DDAH1: variants seen among roughly 807,000 people sequenced by gnomAD.
DDAH1 encodes dimethylarginine dimethylaminohydrolase 1.
A neutral mutation model predicts 28.8 loss-of-function variants in DDAH1; 19 were observed. The ratio of observed to expected loss-of-function variants is 0.66; its 90% CI spans 0.46 to 0.97. DDAH1 has a LOEUF of 0.97. Ranked by LOEUF, DDAH1 falls within the 50% of genes least tolerant of loss-of-function variation. The pLI is 0.00. For synonymous variants in DDAH1, 153 were observed against 154.4 expected, an observed-to-expected ratio of 0.99 and a Z score of 0.07; for missense variants, 326 against 375.9, an observed-to-expected ratio of 0.87 and a Z score of 1.10.
intron 4 of DDAH1, among the ~76,000 whole-genome samples, chr1:85,343,022 A>C (rs906434054): frequency 1.3e-5 from 2 of 152,342 alleles, no homozygotes; most frequent in Non-Finnish European, 2.9e-5. Flanking sequence ...TTGGGTTGAA[A>C]GGCCCCTTAT....
rs188774491 is a variant in DDAH1 at position 85,336,122 on chromosome 1, G to A, written c.598-11239C>T. 6.2e-3 allele frequency among the ~76,000 whole-genome samples: 940 copies of A among 152,244 alleles called. 13 individuals are homozygous for A. The highest frequency in any genetic ancestry group is 0.021 in the African/African-American group (860 of 41,546). ...AAAGACAGAAAGTGAACAAAGACAC[G>A]TTAGATTTAAACTGCACTTTAGACC... On this transcript the variant is annotated intron_variant, in intron 4 of 5. Transcript: ENST00000284031.
intron 1 of DDAH1, among the ~76,000 whole-genome samples, chr1:85,363,906 C>T (rs1274860759): frequency 5.4e-5 from 7 of 130,614 alleles, no homozygotes; most frequent in Non-Finnish European, 6.4e-5. Flanking sequence ...TGGATGTCAA[C>T]TTTTTTTTTT....
intron 4 of DDAH1, among the ~76,000 whole-genome samples, chr1:85,344,442 C>T (rs1196418979): frequency 6.6e-6 from 1 of 152,178 alleles, no homozygotes; most frequent in Non-Finnish European, 1.5e-5. Flanking sequence ...TGGCACAGTC[C>T]TGTAGCCGGT....
intron 2 of DDAH1, among the ~76,000 whole-genome samples, chr1:85,353,514 A>G (rs542032047): frequency 6.6e-4 from 101 of 152,302 alleles, no homozygotes; most frequent in African/African-American, 2.2e-3. Context: ...TTTGTGGCAC[A>G]CTGACAGTTT....
chr1:85,359,054 T>C (rs1182271560), intron 1 of DDAH1, among the ~76,000 whole-genome samples: 2 of 152,210 alleles, frequency 1.3e-5, no homozygotes, highest in Non-Finnish European at 2.9e-5. Context: ...AAATTGTTTA[T>C]TTTGTTCCCT....
At chr1:85,570,855 A>G (rs1659434309) in intron 1 of DDAH1, among the ~76,000 whole-genome samples, 1 of 152,134 alleles carries the variant, frequency 6.6e-6, no homozygotes, top group Admixed American at 6.5e-5. Flanking sequence ...GGCTGGCTCT[A>G]TAAAGGCGAA....
Position 85,324,760 on chromosome 1 carries a change from C to G in DDAH1, c.721G>C (p.Glu241Gln), listed in dbSNP as rs761437289. The change falls in exon 5 of 6, where the codon GAG (glutamate) becomes CAG (glutamine). Residue 241 changes from glutamate to glutamine, a missense_variant. Coordinates refer to ENST00000284031, the MANE Select transcript of DDAH1 (RefSeq NM_012137.4). The stretch of plus-strand genomic sequence containing the variant: ...TTTACCTTTGCACTTTCTGGATACT[C>G]TTCCGGGGTTCGGTGCAGCAAGACG... ...GHVLLHRTPE[E>Q]YPESAKVYEK... 5 of 1,614,124 alleles carry G rather than the reference C, an allele frequency of 3.1e-6. No homozygotes were observed. In the South Asian group the frequency reaches 3.3e-5, roughly 11 times the overall value.
At chr1:85,366,738 A>G (rs1355772655) in intron 1 of DDAH1, among the ~76,000 whole-genome samples, 3 of 152,218 alleles carry the variant, frequency 2.0e-5, no homozygotes, top group Non-Finnish European at 2.9e-5. Flanking sequence ...GGCAAACCTA[A>G]AAGTGGATTA....
chr1:85,333,082 C>T lies in DDAH1; in HGVS notation c.598-8199G>A, dbSNP rs233056. Among the ~76,000 whole-genome samples the T allele has an allele frequency of 9.7e-3, 1,472 of 152,330 alleles. 27 individuals are homozygous for T. Among genetic ancestry groups the T allele is most frequent in the African/African-American group, 0.034 (1,402 of 41,572 alleles). ...CATATGCCACCCCGGGACCCAAGAA[C>T]AGGCATGCTTGGTCTGCCGCTGCCA... On this transcript the variant is annotated intron_variant, in intron 4 of 5. Coordinates refer to ENST00000284031, the MANE Select transcript of DDAH1 (RefSeq NM_012137.4).
intron 4 of DDAH1, among the ~76,000 whole-genome samples, chr1:85,325,458 G>A (rs1262481276): frequency 6.6e-6 from 1 of 152,126 alleles, no homozygotes; most frequent in Admixed American, 6.5e-5. Flanking sequence ...GAGCATAAAA[G>A]CCACCTGGGG....
At chr1:85,532,853 G>A (rs1350029998) in intron 1 of DDAH1, among the ~76,000 whole-genome samples, 1 of 152,212 alleles carries the variant, frequency 6.6e-6, no homozygotes, top group Non-Finnish European at 1.5e-5. Flanking sequence ...CCTTGGGGAA[G>A]CTTCAAAATC....
chr1:85,553,969 C>T (rs1456750714), intron 1 of DDAH1, among the ~76,000 whole-genome samples: 1 of 152,200 alleles, frequency 6.6e-6, no homozygotes, highest in Non-Finnish European at 1.5e-5. Flanking sequence ...GGCCTCTGTG[C>T]CTGCCCTGGA....
At chr1:85,360,601 C>T (rs1649733922) in intron 1 of DDAH1, among the ~76,000 whole-genome samples, 1 of 152,170 alleles carries the variant, frequency 6.6e-6, no homozygotes, top group Non-Finnish European at 1.5e-5. Flanking sequence ...AATGCTACTG[C>T]TTCTATTATA....
At position 85,320,658 on chromosome 1, in the gene DDAH1, C is replaced by T. The variant is rs1189369978; in HGVS notation, c.*794G>A. The T allele has an allele frequency of 6.6e-6, 1 of 152,200 alleles. No individual in the cohort carries two copies. 9.4% of individuals were successfully genotyped at this position (152,200 alleles called of 1,614,324 possible). ...TCTTGATCTTTAATCTTTTAGCAAC[C>T]TTCTGATACTGGATTTACCTTCCTA... On this transcript the variant is annotated 3_prime_UTR_variant, in exon 6 of 6. Coordinates refer to ENST00000284031, the MANE Select transcript of DDAH1 (RefSeq NM_012137.4).
chr1:85,557,096 G>T (rs1658994273), intron 1 of DDAH1, among the ~76,000 whole-genome samples: 1 of 152,142 alleles, frequency 6.6e-6, no homozygotes, highest in African/African-American at 2.4e-5. Flanking sequence ...CAGCCTGGGT[G>T]ACAGAGCGAG....
At chr1:85,329,068 C>G (rs116093981) in intron 4 of DDAH1, among the ~76,000 whole-genome samples, 2 of 152,348 alleles carry the variant, frequency 1.3e-5, no homozygotes, top group Middle Eastern at 3.4e-3. Context: ...TTCACTGGAT[C>G]TAGCGGTCTG....
At chr1:85,488,675 C>A (rs187696582) in intron 2 of DDAH1, among the ~76,000 whole-genome samples, 58 of 152,230 alleles carry the variant, frequency 3.8e-4, no homozygotes, top group Non-Finnish European at 7.6e-4. Context: ...GCATCAAATA[C>A]CCTTAATGTC....
At chr1:85,541,536 T>C (rs1305178199) in intron 1 of DDAH1, among the ~76,000 whole-genome samples, 2 of 152,240 alleles carry the variant, frequency 1.3e-5, no homozygotes, top group Non-Finnish European at 1.5e-5. Flanking sequence ...GGGTTTTTGC[T>C]TGTTCATGTG....
chr1:85,338,378 G>A (rs1239592436), intron 4 of DDAH1, among the ~76,000 whole-genome samples: 1 of 152,058 alleles, frequency 6.6e-6, no homozygotes, highest in Non-Finnish European at 1.5e-5. Context: ...AGTAATCTAG[G>A]GGAGTTATGC....
Sources: allele counts gnomAD v4.1 joint callset (sites outside exome capture counted in the v4.1 genomes callset), GRCh38; gene constraint gnomAD v4.1.1; transcripts MANE v1.5; gene names NCBI Gene and HGNC (gene_info 2026-07-23, HGNC 2026-07-21).